The following LRRFIP2 variants were observed in gnomAD, a reference collection of about 807,000 sequenced individuals.
LRRFIP2 encodes LRR binding FLII interacting protein 2, also known as leucine-rich repeat flightless-interacting protein 2.
In LRRFIP2, 109 loss-of-function variants were observed where a neutral mutation model predicts 125.9. The observed-to-expected ratio is 0.87, with a 90% CI of 0.74 to 1.01. The LOEUF is 1.01. Among genes scored for constraint, LRRFIP2 ranks in the 50% least tolerant of loss-of-function variants. LRRFIP2 has a pLI of 0.00. For synonymous variants in LRRFIP2, 291 were observed against 293.1 expected, an observed-to-expected ratio of 0.99 and a Z score of 0.07; for missense variants, 850 against 862.3, an observed-to-expected ratio of 0.99 and a Z score of 0.18.
chr3:37,174,624 G>A (rs941786869), upstream of LRRFIP2: 4 of 151,998 alleles, frequency 2.6e-5, no homozygotes, highest in Non-Finnish European at 4.4e-5. Flanking sequence ...AAAAAAAGGG[G>A]GGGAAGGAGT....
Position 37,065,870 on chromosome 3 carries a change from T to C in LRRFIP2, c.1639A>G (p.Ile547Val). The C allele has an allele frequency of 6.2e-7, 1 of 1,614,202 alleles. No homozygotes were observed. The highest frequency in any genetic ancestry group is 1.6e-4 in the Middle Eastern group (1 of 6,062). ...GCAGCTTCCTGAGACACAACAGTGA[T>C]GGCTCCAGCCACTGGTTCATGACTG... ...DVSHEPVAGA[I>V]TVVSQEAAQV... The change falls in exon 23 of 28, where the codon ATC becomes GTC. Residue 547 changes from isoleucine to valine, a missense_variant. Coordinates refer to ENST00000336686, the MANE Select transcript of LRRFIP2 (RefSeq NM_006309.4).
intron 1 of LRRFIP2, among the ~76,000 whole-genome samples, chr3:37,156,016 A>T (rs551402586): frequency 1.3e-5 from 2 of 152,236 alleles, no homozygotes; most frequent in South Asian, 4.1e-4. Flanking sequence ...CTGGTACAAC[A>T]GGCGTACACC....
At chr3:37,072,996 T>C (rs920956490) in intron 20 of LRRFIP2, 114 bp from the exon 21 acceptor site, 9 of 656,782 alleles carry the variant, frequency 1.4e-5, no homozygotes, top group African/African-American at 1.1e-4. Flanking sequence ...AAAGGGAAAG[T>C]CTGTGATGAA....
chr3:37,149,084 A>C (rs2095937894), intron 1 of LRRFIP2, 46 bp from the exon 2 acceptor site: 1 of 1,477,632 alleles, frequency 6.8e-7, no homozygotes, highest in African/African-American at 1.4e-5. Context: ...TCTTTGTGCA[A>C]TTTTCATGCT....
intron 2 of LRRFIP2, among the ~76,000 whole-genome samples, chr3:37,139,017 A>G (rs1254670317): frequency 6.6e-6 from 1 of 152,210 alleles, no homozygotes; most frequent in Non-Finnish European, 1.5e-5. Flanking sequence ...CTGATAACAG[A>G]GCCGGCTCCT....
intron 1 of LRRFIP2, among the ~76,000 whole-genome samples, chr3:37,172,002 C>T (rs1289905674): frequency 1.3e-5 from 2 of 152,052 alleles, no homozygotes; most frequent in African/African-American, 4.8e-5. Flanking sequence ...AAATAATTTG[C>T]AATATTTTTT....
chr3:37,170,081 T>TATC (rs1026984287), intron 1 of LRRFIP2, among the ~76,000 whole-genome samples: 1 of 152,132 alleles, frequency 6.6e-6, no homozygotes, highest in Non-Finnish European at 1.5e-5. Flanking sequence ...CTAAATACAT[T>TATC]ATCATCATCA....
chr3:37,159,989 C>CAAAAAAAAA (rs58005486), intron 1 of LRRFIP2, among the ~76,000 whole-genome samples: 1 of 46,940 alleles, frequency 2.1e-5, no homozygotes, highest in African/African-American at 7.7e-5. Context: ...GCCCTATGCG[C>CAAAAAAAAA]AAAAAAAAAA....
intron 1 of LRRFIP2, among the ~76,000 whole-genome samples, chr3:37,155,666 G>C (rs1164565575): frequency 6.6e-6 from 1 of 152,104 alleles, no homozygotes; most frequent in Non-Finnish European, 1.5e-5. Flanking sequence ...TTTGCATATT[G>C]TTCTATGTAA....
chr3:37,099,052 ACT>A (rs1438267449), intron 15 of LRRFIP2, among the ~76,000 whole-genome samples: 1 of 152,084 alleles, frequency 6.6e-6, no homozygotes, highest in African/African-American at 2.4e-5. Flanking sequence ...CACAATGTTG[ACT>A]CTATTGCTTT....
chr3:37,157,905 TAAG>T (rs554306482), intron 1 of LRRFIP2, among the ~76,000 whole-genome samples: 3 of 152,230 alleles, frequency 2.0e-5, no homozygotes, highest in Non-Finnish European at 4.4e-5. Context: ...TCATTTGTCC[TAAG>T]AATTATCAAA....
chr3:37,103,709 C>T (rs1195716806), intron 14 of LRRFIP2, among the ~76,000 whole-genome samples: 1 of 152,132 alleles, frequency 6.6e-6, no homozygotes, highest in African/African-American at 2.4e-5. Context: ...CAAAGGGTAA[C>T]CCACACACAT....
intron 6 of LRRFIP2, among the ~76,000 whole-genome samples, chr3:37,116,873 A>G (rs559648197): frequency 6.6e-6 from 1 of 152,262 alleles, no homozygotes; most frequent in African/African-American, 2.4e-5. Context: ...ATAAATACCA[A>G]TTTTATTGGA....
intron 1 of LRRFIP2, among the ~76,000 whole-genome samples, chr3:37,171,333 G>C (rs990331343): frequency 2.6e-5 from 4 of 152,206 alleles, no homozygotes; most frequent in African/African-American, 9.6e-5. Context: ...TTATGTGGTA[G>C]GTTCTGTCAG....
chr3:37,108,685 C>T lies in LRRFIP2; in HGVS notation c.610-1G>A, dbSNP rs1576725480. ...ATAATCCACCATTGTACAATGATGCCTAAGGAACAAAGGAAATATCACTTA... is the reference window on the plus strand; with the variant it reads ...ATAATCCACCATTGTACAATGATGCTTAAGGAACAAAGGAAATATCACTTA... On this transcript the variant is annotated splice_acceptor_variant, in intron 11 of 27. Transcript: ENST00000336686. LOFTEE classifies it high-confidence loss of function. 6 of 1,606,936 alleles carry T rather than the reference C, an allele frequency of 3.7e-6. No homozygotes were observed. In the East Asian group the frequency reaches 1.3e-4, roughly 36 times the overall value.
At chr3:37,106,488 C>G (rs2094330031) in intron 13 of LRRFIP2, among the ~76,000 whole-genome samples, 1 of 152,132 alleles carries the variant, frequency 6.6e-6, no homozygotes, top group African/African-American at 2.4e-5. Flanking sequence ...ATCTAGCCAG[C>G]CTATAAGGAC....
chr3:37,148,538 G>A lies in LRRFIP2; in HGVS notation c.90+356C>T, dbSNP rs188358578. On this transcript the variant is annotated intron_variant, in intron 2 of 27. Coordinates refer to ENST00000336686, the MANE Select transcript of LRRFIP2 (RefSeq NM_006309.4). ...GCCAGCTCCCAAAAACTTCGCTAGT[G>A]CCAATGCATTTTCTTTCAAAACAAT... 8.0e-4 allele frequency among the ~76,000 whole-genome samples: 122 copies of A among 152,314 alleles called. 1 individual carries two copies. Among genetic ancestry groups the A allele is most frequent in the Admixed American group, 7.9e-3 (121 of 15,294 alleles).
chr3:37,103,314 A>G (rs1018119049), intron 14 of LRRFIP2, among the ~76,000 whole-genome samples: 4 of 152,146 alleles, frequency 2.6e-5, no homozygotes, highest in Non-Finnish European at 4.4e-5. Context: ...GATATTTATC[A>G]CCCTGAACAG....
chr3:37,054,016 T>C (rs2086089809), intron 27 of LRRFIP2, 55 bp from the exon 28 acceptor site: 12 of 1,044,442 alleles, frequency 1.1e-5, no homozygotes, highest in Non-Finnish European at 1.8e-5. Flanking sequence ...CATCCAGTGC[T>C]ACTCTATTTT....
Sources: allele counts gnomAD v4.1 joint callset (sites outside exome capture counted in the v4.1 genomes callset), GRCh38; gene constraint gnomAD v4.1.1; transcripts MANE v1.5; gene names NCBI Gene and HGNC (gene_info 2026-07-23, HGNC 2026-07-21).